Variants in C7orf78 observed in about 807,000 individuals in gnomAD.
The protein encoded by C7orf78 is putative uncharacterized protein C7orf78.
the C7orf78 span, among the ~76,000 whole-genome samples, chr7:12,489,676 T>A: frequency 2.0e-5 from 3 of 152,050 alleles, no homozygotes; most frequent in South Asian, 4.1e-4. Context: ...ACAAATACTA[T>A]TTGCTGGGCA....
At chr7:12,510,077 T>C in the C7orf78 span, among the ~76,000 whole-genome samples, 1 of 152,006 alleles carries the variant, frequency 6.6e-6, no homozygotes, top group African/African-American at 2.4e-5. Flanking sequence ...TTCTTTATTT[T>C]ATGGTTGACG....
the C7orf78 span, among the ~76,000 whole-genome samples, chr7:12,503,527 G>A: frequency 6.6e-6 from 1 of 151,822 alleles, no homozygotes; most frequent in African/African-American, 2.4e-5. Flanking sequence ...AGCCATAAAA[G>A]GTAATTTTTT....
the C7orf78 span, among the ~76,000 whole-genome samples, chr7:12,495,985 G>T: frequency 2.6e-5 from 4 of 152,088 alleles, no homozygotes; most frequent in Non-Finnish European, 4.4e-5. Context: ...GACTGCAGTG[G>T]CGTGATCTCG....
At chr7:12,507,719 T>C in the C7orf78 span, among the ~76,000 whole-genome samples, 46 of 152,218 alleles carry the variant, frequency 3.0e-4, no homozygotes, top group Admixed American at 1.4e-3. Flanking sequence ...CAAAATCCAT[T>C]TGGAAAATGT....
chr7:12,495,015 C>T, the C7orf78 span, among the ~76,000 whole-genome samples: 1 of 152,158 alleles, frequency 6.6e-6, no homozygotes, highest in Non-Finnish European at 1.5e-5. Context: ...TCAGTCTGTT[C>T]TGCCCGTCTT....
At chr7:12,536,807 G>A in the C7orf78 span, among the ~76,000 whole-genome samples, 9 of 152,030 alleles carry the variant, frequency 5.9e-5, no homozygotes, top group South Asian at 2.1e-4. Context: ...TCTCTAGGCC[G>A]GGGGCAAAAT....
At chr7:12,517,225 T>C in the C7orf78 span, among the ~76,000 whole-genome samples, 1 of 152,104 alleles carries the variant, frequency 6.6e-6, no homozygotes, top group African/African-American at 2.4e-5. Flanking sequence ...ATCTGGTGGT[T>C]TTATCAGGGG....
chr7:12,530,384 C>T, the C7orf78 span: 1 of 152,088 alleles, frequency 6.6e-6, no homozygotes, highest in Non-Finnish European at 1.5e-5. Flanking sequence ...TTATTTCCTC[C>T]AGGGCCTGCT....
the C7orf78 span, among the ~76,000 whole-genome samples, chr7:12,533,173 G>C: frequency 9.2e-3 from 1,407 of 152,180 alleles, 26 homozygotes; most frequent in African/African-American, 0.033. Flanking sequence ...TAGTCCATCA[G>C]CAAAAGTTTC....
chr7:12,529,265 G>C, the C7orf78 span, among the ~76,000 whole-genome samples: 1 of 152,170 alleles, frequency 6.6e-6, no homozygotes, highest in Non-Finnish European at 1.5e-5. Context: ...AAAAGAATAA[G>C]TGTATTCCAG....
the C7orf78 span, chr7:12,531,143 A>G: frequency 2.5e-6 from 1 of 397,958 alleles, no homozygotes; most frequent in African/African-American, 2.1e-5. Context: ...TAACTCTTTA[A>G]CATTACTACT....
At chr7:12,516,985 C>G in the C7orf78 span, among the ~76,000 whole-genome samples, 45 of 152,066 alleles carry the variant, frequency 3.0e-4, no homozygotes, top group African/African-American at 1.1e-3. Flanking sequence ...TGAGTTAAGA[C>G]TTTGGGAGAT....
At chr7:12,503,868 G>T in the C7orf78 span, among the ~76,000 whole-genome samples, 1 of 152,096 alleles carries the variant, frequency 6.6e-6, no homozygotes, top group African/African-American at 2.4e-5. Context: ...CCATCAATTT[G>T]GGAGGCTGAG....
chr7:12,483,874 ATC>A, the C7orf78 span: 1 of 77,044 alleles, frequency 1.3e-5, no homozygotes, highest in Non-Finnish European at 2.6e-5. Context: ...GCAAAACTCC[ATC>A]TCAAAAAAAA....
the C7orf78 span, among the ~76,000 whole-genome samples, chr7:12,519,141 G>C: frequency 6.6e-6 from 1 of 152,152 alleles, no homozygotes; most frequent in East Asian, 1.9e-4. Flanking sequence ...ATACTGCAGG[G>C]GGACAGGGTC....
the C7orf78 span, among the ~76,000 whole-genome samples, chr7:12,502,405 A>G: frequency 6.6e-6 from 1 of 151,728 alleles, no homozygotes; most frequent in African/African-American, 2.4e-5. Flanking sequence ...AAACAACCCC[A>G]TCAAAAAGTG....
the C7orf78 span, among the ~76,000 whole-genome samples, chr7:12,536,717 C>T: frequency 7.9e-5 from 12 of 152,232 alleles, no homozygotes; most frequent in East Asian, 3.9e-4. Flanking sequence ...ACCCAAGTCA[C>T]GTCTTAAATG....
chr7:12,537,331 T>C, the C7orf78 span, among the ~76,000 whole-genome samples: 1 of 152,168 alleles, frequency 6.6e-6, no homozygotes, highest in South Asian at 2.1e-4. Context: ...GTGAGACTCA[T>C]TCACTATAAC....
chr7:12,529,316 G>A, the C7orf78 span, among the ~76,000 whole-genome samples: 4 of 152,170 alleles, frequency 2.6e-5, no homozygotes, highest in Non-Finnish European at 4.4e-5. Flanking sequence ...TGGCTTCTGA[G>A]ATCAGAGTAT....
Sources: gnomAD v4.1 joint callset for allele counts (sites outside exome capture counted in the v4.1 genomes callset) on GRCh38, gnomAD v4.1.1 for gene constraint, MANE v1.5 for transcripts, NCBI Gene and HGNC (gene_info 2026-07-23, HGNC 2026-07-21) for gene names.